The following RSRC1 variants were observed in gnomAD, a reference collection of about 807,000 sequenced individuals.
The protein encoded by RSRC1 is serine/Arginine-related protein 53.
In RSRC1, 39 loss-of-function variants were observed where a neutral mutation model predicts 49.1. The observed-to-expected ratio is 0.79, with a 90% CI of 0.61 to 1.04. The LOEUF is 1.04. Ranked by LOEUF, RSRC1 falls within the 50% of genes least tolerant of loss-of-function variation. The probability of loss-of-function intolerance (pLI) is 0.00; values close to 1 mark genes in which losing one functional copy is unlikely to be tolerated. For missense variants in RSRC1, 388 were observed against 402.4 expected (o/e 0.96, Z 0.31); for synonymous variants, 143 against 130.8 (o/e 1.09, Z -0.63).
At chr3:158,491,292 A>G (rs559392593) in intron 7 of RSRC1, among the ~76,000 whole-genome samples, 2 of 152,334 alleles carry the variant, frequency 1.3e-5, no homozygotes, top group Admixed American at 6.5e-5. Flanking sequence ...TGTAAAAATG[A>G]GAAGTGTTCT....
intron 5 of RSRC1, among the ~76,000 whole-genome samples, chr3:158,344,971 C>T (rs897043626): frequency 6.6e-6 from 1 of 152,066 alleles, no homozygotes; most frequent in Non-Finnish European, 1.5e-5. Context: ...GTAATCCCAG[C>T]ACTTTGGGAG....
At chr3:158,441,388 T>C (rs1736372459) in intron 6 of RSRC1, among the ~76,000 whole-genome samples, 1 of 151,922 alleles carries the variant, frequency 6.6e-6, no homozygotes, top group Non-Finnish European at 1.5e-5. Flanking sequence ...TTAAATATAT[T>C]GGCAACAAGA....
intron 7 of RSRC1, among the ~76,000 whole-genome samples, chr3:158,513,593 T>C (rs2108477458): frequency 6.6e-6 from 1 of 152,322 alleles, no homozygotes; most frequent in East Asian, 1.9e-4. Context: ...TGGTTGTGTC[T>C]CTGCCCAGCT....
At chr3:158,123,751 C>G in intron 2 of RSRC1, 115 bp from the exon 3 acceptor site, 1 of 967,922 alleles carries the variant, frequency 1.0e-6, no homozygotes, top group East Asian at 2.7e-5. Context: ...TGTTTGCTTC[C>G]AGGAAACAGT....
chr3:158,192,041 T>C (rs1158359140), intron 3 of RSRC1, among the ~76,000 whole-genome samples: 1 of 152,094 alleles, frequency 6.6e-6, no homozygotes, highest in African/African-American at 2.4e-5. Flanking sequence ...TTTTCCTCTC[T>C]TTGTTTTTGC....
At chr3:158,226,964 C>T (rs1291912885) in intron 4 of RSRC1, among the ~76,000 whole-genome samples, 1 of 151,160 alleles carries the variant, frequency 6.6e-6, no homozygotes, top group African/African-American at 2.4e-5. Flanking sequence ...TCTGTACTGC[C>T]CCACAAGGAG....
intron 5 of RSRC1, among the ~76,000 whole-genome samples, chr3:158,323,135 T>C (rs1728858085): frequency 6.6e-6 from 1 of 152,224 alleles, no homozygotes; most frequent in Non-Finnish European, 1.5e-5. Flanking sequence ...GGGCTTAATT[T>C]ACCAATTTTG....
chr3:158,335,236 C>T (rs921643945), intron 5 of RSRC1, among the ~76,000 whole-genome samples: 5 of 152,094 alleles, frequency 3.3e-5, no homozygotes, highest in Admixed American at 3.3e-4. Context: ...TGTATCCAAC[C>T]AACCAAGGTG....
chr3:158,389,678 AG>A (rs1733161675), intron 6 of RSRC1, among the ~76,000 whole-genome samples: 2 of 152,216 alleles, frequency 1.3e-5, no homozygotes, highest in African/African-American at 4.8e-5. Context: ...GCATGAGTTA[AG>A]GCATGTGAAA....
chr3:158,143,472 G>C (rs1249726269), intron 3 of RSRC1, among the ~76,000 whole-genome samples: 5 of 151,854 alleles, frequency 3.3e-5, no homozygotes, highest in Admixed American at 3.3e-4. Flanking sequence ...TAAATAGTAG[G>C]GACATTACTT....
intron 4 of RSRC1, among the ~76,000 whole-genome samples, chr3:158,223,553 C>T (rs1340108860): frequency 6.7e-6 from 1 of 149,570 alleles, no homozygotes; most frequent in Non-Finnish European, 1.5e-5. Context: ...CCAAGCCCGT[C>T]ATCATTTTGC....
chr3:158,311,583 A>G (rs1395330136), intron 5 of RSRC1, among the ~76,000 whole-genome samples: 2 of 151,964 alleles, frequency 1.3e-5, no homozygotes, highest in Admixed American at 6.6e-5. Flanking sequence ...CTCTACACAC[A>G]TACTGTAAGA....
At chr3:158,406,711 C>G (rs182049338) in intron 6 of RSRC1, among the ~76,000 whole-genome samples, 3 of 152,222 alleles carry the variant, frequency 2.0e-5, no homozygotes, top group Non-Finnish European at 4.4e-5. Context: ...AAGCAGCATG[C>G]ATTAGAATCA....
At chr3:158,341,598 A>G (rs990691156) in intron 5 of RSRC1, among the ~76,000 whole-genome samples, 1 of 152,224 alleles carries the variant, frequency 6.6e-6, no homozygotes, top group Non-Finnish European at 1.5e-5. Context: ...AGTTTGCTGC[A>G]GGAGCAGGGC....
At chr3:158,436,658 A>G (rs987752333) in intron 6 of RSRC1, among the ~76,000 whole-genome samples, 6 of 151,948 alleles carry the variant, frequency 3.9e-5, no homozygotes, top group African/African-American at 1.4e-4. Context: ...TAAGTGTACA[A>G]ATTATATCAT....
intron 6 of RSRC1, among the ~76,000 whole-genome samples, chr3:158,358,702 C>G (rs1055994090): frequency 2.6e-5 from 4 of 152,082 alleles, no homozygotes; most frequent in African/African-American, 9.7e-5. Flanking sequence ...CTATCTAGTT[C>G]TAAACATTGC....
intron 5 of RSRC1, among the ~76,000 whole-genome samples, chr3:158,321,695 G>A (rs940616832): frequency 6.6e-6 from 1 of 151,138 alleles, no homozygotes; most frequent in Non-Finnish European, 1.5e-5. Flanking sequence ...AATTACTTTT[G>A]CACCAACCTA....
chr3:158,209,354 G>A (rs1299314503), intron 4 of RSRC1, among the ~76,000 whole-genome samples: 1 of 152,000 alleles, frequency 6.6e-6, no homozygotes, highest in Non-Finnish European at 1.5e-5. Context: ...GAATGATGCA[G>A]CAAGAAGTTC....
chr3:158,348,912 A>G (rs1268215692), intron 5 of RSRC1, among the ~76,000 whole-genome samples: 1 of 152,186 alleles, frequency 6.6e-6, no homozygotes, highest in Admixed American at 6.5e-5. Flanking sequence ...GTTGCTGCAA[A>G]GGACATGATT....
Sources: allele counts gnomAD v4.1 joint callset (sites outside exome capture counted in the v4.1 genomes callset), GRCh38; gene constraint gnomAD v4.1.1; transcripts MANE v1.5; gene names NCBI Gene and HGNC (gene_info 2026-07-23, HGNC 2026-07-21).